SNX25: variants seen among roughly 807,000 people sequenced by gnomAD.
The protein encoded by SNX25 is sorting nexin 25.
A neutral mutation model predicts 113.7 loss-of-function variants in SNX25; 62 were observed. The ratio of observed to expected loss-of-function variants is 0.55; its 90% CI spans 0.44 to 0.67. SNX25 has a LOEUF of 0.67. SNX25 is among the 30% of genes least tolerant of loss of function. The probability of loss-of-function intolerance (pLI) is 0.00; values close to 1 mark genes in which losing one functional copy is unlikely to be tolerated. For synonymous variants in SNX25, 421 were observed against 436.2 expected (o/e 0.97, Z 0.43); for missense variants, 1,014 against 1,161.0 (o/e 0.87, Z 1.84).
intron 6 of SNX25, among the ~76,000 whole-genome samples, chr4:185,303,277 A>T (rs1753965125): frequency 6.6e-6 from 1 of 152,128 alleles, no homozygotes; most frequent in Admixed American, 6.6e-5. Context: ...ATGTGGATTT[A>T]ATTGCTATAT....
At chr4:185,243,117 T>G (rs1420130461) in intron 1 of SNX25, among the ~76,000 whole-genome samples, 2 of 152,206 alleles carry the variant, frequency 1.3e-5, no homozygotes, top group Non-Finnish European at 2.9e-5. Flanking sequence ...GGTAGGGGTT[T>G]TGCTTAAATA....
At chr4:185,213,382 TC>T (rs1738243772) in intron 1 of SNX25, among the ~76,000 whole-genome samples, 2 of 152,352 alleles carry the variant, frequency 1.3e-5, no homozygotes, top group African/African-American at 4.8e-5. Flanking sequence ...ATCCCAGACT[TC>T]CGTGGTATCT....
intron 1 of SNX25, among the ~76,000 whole-genome samples, chr4:185,228,606 G>T (rs1454062770): frequency 6.6e-6 from 1 of 152,054 alleles, no homozygotes; most frequent in African/African-American, 2.4e-5. Flanking sequence ...GAGGATTGTG[G>T]CTCATTGCAG....
intron 5 of SNX25, among the ~76,000 whole-genome samples, chr4:185,272,339 C>T (rs1054388025): frequency 4.6e-5 from 7 of 152,126 alleles, no homozygotes; most frequent in African/African-American, 1.7e-4. Context: ...CTGAGTGTTC[C>T]CTTGTTTTCA....
At chr4:185,346,142 AGCCACCACGCCCG>A (rs2095285045) in intron 12 of SNX25, among the ~76,000 whole-genome samples, 2 of 152,222 alleles carry the variant, frequency 1.3e-5, no homozygotes, top group Non-Finnish European at 2.9e-5. Context: ...TACAGGCGTG[AGCCACCACGCCCG>A]GCCATTTTCT....
rs1027330436 is a variant in SNX25 at position 185,232,841 on chromosome 4, A to T, written c.430-14453A>T. Among the ~76,000 whole-genome samples the T allele has an allele frequency of 9.2e-5, 14 of 152,210 alleles. No homozygotes were observed. The highest frequency in any genetic ancestry group is 1.3e-4 in the Admixed American group (2 of 15,282). ...TTCAAAATTCTCTTAGATTGGTTGT[A>T]TACTTGAGTAATTTATCTTCTGTGA... On this transcript the variant is annotated intron_variant, in intron 1 of 18. Transcript: ENST00000652585. The surrounding 1 kb of genome is among the most constrained non-coding windows in gnomAD (Gnocchi z 4.4).
chr4:185,267,078 C>T lies in SNX25; in HGVS notation c.1014C>T (p.Tyr338=), dbSNP rs570857535. The change falls in exon 5 of 19, where the codon TAC becomes TAT. Residue 338 remains tyrosine (Y), a synonymous_variant. Transcript: ENST00000652585. ...TGAATGAGCATCACAAGAGAGCCTA[C>T]ACCTATGCCCCCTCTTACGAGGACT... ...EQMNEHHKRA[Y]TYAPSYEDFI... The T allele has an allele frequency of 3.7e-6, 6 of 1,614,074 alleles. No homozygotes were observed. The African/African-American group carries it at 5.3e-5, about 14-fold the overall frequency.
At chr4:185,357,620 C>A in intron 15 of SNX25, 51 bp from the exon 16 acceptor site, 1 of 1,431,548 alleles carries the variant, frequency 7.0e-7, no homozygotes, top group South Asian at 1.1e-5. Context: ...TGAAAATGTC[C>A]CAAATTGTGA....
At chr4:185,260,767 T>C (rs1348356759) in intron 3 of SNX25, among the ~76,000 whole-genome samples, 1 of 152,210 alleles carries the variant, frequency 6.6e-6, no homozygotes, top group African/African-American at 2.4e-5. Context: ...TACAAGGATC[T>C]TGGGGACACC....
Position 185,363,568 on chromosome 4 carries a change from AT to A in SNX25, c.*107del. On this transcript the variant is annotated 3_prime_UTR_variant, in exon 19 of 19. Transcript: ENST00000652585. The surrounding 1 kb of genome is among the most constrained non-coding windows in gnomAD (Gnocchi z 4.2). ...TTAACTGAGAACCGTATTGATTTTTATTTTAGTTACCTCCCTCTAGTTTTAT... is the reference window on the plus strand; with the variant it reads ...TTAACTGAGAACCGTATTGATTTTTATTTAGTTACCTCCCTCTAGTTTTAT... 1 of 1,056,216 alleles carries A rather than the reference AT, an allele frequency of 9.5e-7. No homozygotes were observed. Among genetic ancestry groups the A allele is most frequent in the Non-Finnish European group, 1.4e-6 (1 of 705,242 alleles). The allele number at this position is 1,056,216 out of a possible 1,614,324, so 65.4% of individuals were successfully genotyped here.
At chr4:185,271,042 T>A in intron 5 of SNX25, among the ~76,000 whole-genome samples, 1 of 152,164 alleles carries the variant, frequency 6.6e-6, no homozygotes, top group Non-Finnish European at 1.5e-5. Flanking sequence ...ATGTTGCAGT[T>A]CCTAACCTCT....
chr4:185,360,749 C>T (rs1161178179), intron 16 of SNX25, among the ~76,000 whole-genome samples: 1 of 151,876 alleles, frequency 6.6e-6, no homozygotes, highest in Admixed American at 6.6e-5. Flanking sequence ...GAAACCCCAG[C>T]TCTACTAAAA....
chr4:185,323,558 T>C lies in SNX25; in HGVS notation c.1507T>C (p.Tyr503His). Residue 503 changes from tyrosine (Y) to histidine (H), a missense_variant, in exon 9 of 19, where the codon TAT becomes CAT. Tyr to His is a moderately conservative substitution (Grantham distance 83). Coordinates refer to ENST00000652585, the MANE Select transcript of SNX25 (RefSeq NM_001378034.2). Reference sequence around the variant, plus strand: ...AATTCCACAATTAGTTGGTGAAATTTATCAGAATTTCTTTGTGGAGAGCAA... The same window carrying C: ...AATTCCACAATTAGTTGGTGAAATTCATCAGAATTTCTTTGTGGAGAGCAA... ...NEIPQLVGEI[Y>H]QNFFVESKEI... The C allele has an allele frequency of 1.2e-6, 2 of 1,611,578 alleles. No individual in the cohort carries two copies. The highest frequency in any genetic ancestry group is 1.7e-6 in the Non-Finnish European group (2 of 1,179,272).
chr4:185,230,306 C>G (rs1012207173), intron 1 of SNX25, among the ~76,000 whole-genome samples: 1 of 151,978 alleles, frequency 6.6e-6, no homozygotes, highest in African/African-American at 2.4e-5. Context: ...TTTAGTTAAT[C>G]TAAAGTCCAA....
At chr4:185,321,926 G>C in intron 8 of SNX25, among the ~76,000 whole-genome samples, 1 of 152,130 alleles carries the variant, frequency 6.6e-6, no homozygotes, top group Non-Finnish European at 1.5e-5. Flanking sequence ...ATGAGAGAAT[G>C]TACATAGTTA....
chr4:185,239,248 A>G (rs13102465), intron 1 of SNX25, among the ~76,000 whole-genome samples: 60,488 of 146,444 alleles, frequency 0.41, 12,412 homozygotes, highest in African/African-American at 0.5. Context: ...TTGGGAGGCC[A>G]AGGCGGGCAG....
At chr4:185,296,046 C>A (rs984034510) in intron 6 of SNX25, 11 of 152,176 alleles carry the variant, frequency 7.2e-5, no homozygotes, top group African/African-American at 2.7e-4. Context: ...GGCTGCTCTC[C>A]GCTTCCAGAA....
chr4:185,287,716 G>A (rs895961208), intron 5 of SNX25, among the ~76,000 whole-genome samples: 1 of 152,206 alleles, frequency 6.6e-6, no homozygotes, highest in African/African-American at 2.4e-5. Flanking sequence ...GTGGAGGAGA[G>A]GGAGGCTGAG....
At chr4:185,348,121 C>A (rs190935149) in intron 13 of SNX25, among the ~76,000 whole-genome samples, 1 of 152,170 alleles carries the variant, frequency 6.6e-6, no homozygotes, top group Admixed American at 6.5e-5. Flanking sequence ...GTGTACTGTC[C>A]TCAATAACAA....
Sources: allele counts gnomAD v4.1 joint callset (sites outside exome capture counted in the v4.1 genomes callset), GRCh38; gene constraint gnomAD v4.1.1; non-coding constraint Gnocchi (gnomAD v3.1); transcripts MANE v1.5; gene names NCBI Gene and HGNC (gene_info 2026-07-23, HGNC 2026-07-21).